CACNA2D2: variants seen among roughly 807,000 people sequenced by gnomAD.
CACNA2D2 encodes the protein calcium voltage-gated channel auxiliary subunit alpha2delta 2.
Under a neutral mutation model 166.4 loss-of-function variants are expected in CACNA2D2, and 48 were observed. The observed-to-expected ratio is 0.29, with a 90% CI of 0.23 to 0.37. CACNA2D2 has a LOEUF of 0.37. CACNA2D2 is among the 10% of genes least tolerant of loss of function. CACNA2D2 has a pLI of 1.00. For synonymous variants in CACNA2D2, 561 were observed against 573.7 expected (o/e 0.98, Z 0.32); for missense variants, 1,122 against 1,433.0 (o/e 0.78, Z 3.50).
intron 3 of CACNA2D2, among the ~76,000 whole-genome samples, chr3:50,395,745 TCTGCTCTC>T: frequency 6.6e-6 from 1 of 152,302 alleles, no homozygotes; most frequent in East Asian, 1.9e-4. Flanking sequence ...AGCTGTGGCC[TCTGCTCTC>T]CTGGGGCAGA....
intron 2 of CACNA2D2, among the ~76,000 whole-genome samples, chr3:50,463,352 C>T (rs933282289): frequency 4.0e-5 from 6 of 151,774 alleles, no homozygotes; most frequent in East Asian, 1.9e-4. Context: ...CTCAGACTGG[C>T]GTGCAGAGGC....
chr3:50,497,670 T>C (rs1432219076), intron 1 of CACNA2D2, among the ~76,000 whole-genome samples: 2 of 152,080 alleles, frequency 1.3e-5, no homozygotes, highest in African/African-American at 4.8e-5. Flanking sequence ...AATGACAGAA[T>C]CTTGACTCCT....
intron 3 of CACNA2D2, among the ~76,000 whole-genome samples, chr3:50,422,094 T>TG (rs1707596738): frequency 1.3e-5 from 2 of 152,128 alleles, no homozygotes; most frequent in African/African-American, 4.8e-5. Flanking sequence ...CACCAGGAGC[T>TG]GTCACGGACC....
intron 5 of CACNA2D2, among the ~76,000 whole-genome samples, chr3:50,385,855 C>T (rs911311736): frequency 1.3e-5 from 2 of 152,206 alleles, no homozygotes; most frequent in Admixed American, 1.3e-4. Context: ...GAAATGTCAG[C>T]GGCAGATGAA....
At chr3:50,401,088 C>A (rs539085636) in intron 3 of CACNA2D2, among the ~76,000 whole-genome samples, 1 of 152,302 alleles carries the variant, frequency 6.6e-6, no homozygotes, top group South Asian at 2.1e-4. Context: ...ACCACAATTC[C>A]AGCAAACAGA....
At position 50,407,386 on chromosome 3, in the gene CACNA2D2, T is replaced by C. The variant is rs1490686463; in HGVS notation, c.406-13218A>G. ...TTAGACTTCCTAGGCCTGCCACTCGTGGGCTCTGACCCCTGCTCTGACCCT... is the reference window on the plus strand; with the variant it reads ...TTAGACTTCCTAGGCCTGCCACTCGCGGGCTCTGACCCCTGCTCTGACCCT... On this transcript the variant is annotated intron_variant, in intron 3 of 37. Transcript: ENST00000424201. Among the ~76,000 whole-genome samples, 2 of 152,170 alleles carry C rather than the reference T, an allele frequency of 1.3e-5. 1 individual carries two copies. The highest frequency in any genetic ancestry group is 3.9e-4 in the East Asian group (2 of 5,162).
At chr3:50,432,611 C>T (rs372184993) in intron 3 of CACNA2D2, among the ~76,000 whole-genome samples, 22 of 152,296 alleles carry the variant, frequency 1.4e-4, no homozygotes, top group African/African-American at 4.8e-4. Context: ...CTGAGAGAGG[C>T]GAGCGTAATG....
At chr3:50,450,620 T>C (rs983327618) in intron 2 of CACNA2D2, among the ~76,000 whole-genome samples, 4 of 151,918 alleles carry the variant, frequency 2.6e-5, no homozygotes, top group Non-Finnish European at 5.9e-5. Context: ...AGCCAAATAT[T>C]GTACTTGCCT....
intron 14 of CACNA2D2, 86 bp from the exon 15 acceptor site, chr3:50,378,183 A>C: frequency 6.4e-7 from 1 of 1,568,066 alleles, no homozygotes; most frequent in Non-Finnish European, 8.7e-7. Context: ...ATTGTGCCCC[A>C]GCCACTGTGA....
intron 3 of CACNA2D2, among the ~76,000 whole-genome samples, chr3:50,399,715 G>A (rs73832877): frequency 0.035 from 5,334 of 152,258 alleles, 339 homozygotes; most frequent in African/African-American, 0.12. Context: ...TAGGAAGAGG[G>A]GGCATCAAAC....
intron 3 of CACNA2D2, among the ~76,000 whole-genome samples, chr3:50,399,754 A>C (rs1418645131): frequency 6.6e-6 from 1 of 152,200 alleles, no homozygotes; most frequent in East Asian, 1.9e-4. Flanking sequence ...AAAGCCCAGC[A>C]GTATTGGACA....
chr3:50,457,955 G>A (rs1709435939), intron 2 of CACNA2D2, among the ~76,000 whole-genome samples: 1 of 152,156 alleles, frequency 6.6e-6, no homozygotes. Context: ...GACTCACTCA[G>A]AACCAGCTAA....
intron 22 of CACNA2D2, among the ~76,000 whole-genome samples, chr3:50,371,864 T>C (rs587664089): frequency 2.6e-5 from 4 of 151,030 alleles, no homozygotes; most frequent in Non-Finnish European, 5.9e-5. Context: ...CTGGGGTCAC[T>C]GGGTGGGATG....
At chr3:50,465,745 T>C (rs2107033026) in intron 2 of CACNA2D2, among the ~76,000 whole-genome samples, 1 of 152,246 alleles carries the variant, frequency 6.6e-6, no homozygotes, top group East Asian at 1.9e-4. Flanking sequence ...CTGCAAGGCA[T>C]GCAGAGGAAA....
rs566043323 is a variant in CACNA2D2 at position 50,439,563 on chromosome 3, A to G, written c.289-5134T>C. ...AGACTGGCGCTCCAATCCCCTCACC[A>G]CATTTCACCACAGGGAGCAGCCAGG... On this transcript the variant is annotated intron_variant, in intron 2 of 37. Transcript: ENST00000424201. 2.0e-5 allele frequency among the ~76,000 whole-genome samples: 3 copies of G among 152,262 alleles called. No individual in the cohort carries two copies. The East Asian group carries it at 5.8e-4, about 29-fold the overall frequency.
At chr3:50,397,304 A>T (rs966719601) in intron 3 of CACNA2D2, among the ~76,000 whole-genome samples, 1 of 152,242 alleles carries the variant, frequency 6.6e-6, no homozygotes, top group Non-Finnish European at 1.5e-5. Flanking sequence ...GTTACAGATC[A>T]ATCAGTCCAT....
At chr3:50,434,510 G>T in intron 2 of CACNA2D2, 81 bp from the exon 3 acceptor site, 2 of 975,446 alleles carry the variant, frequency 2.1e-6, no homozygotes, top group Non-Finnish European at 3.3e-6. Flanking sequence ...CCTCTGCACA[G>T]CTCACCTCAG....
intron 1 of CACNA2D2, among the ~76,000 whole-genome samples, chr3:50,484,670 A>AG (rs1386110369): frequency 2.0e-5 from 3 of 151,792 alleles, no homozygotes; most frequent in Non-Finnish European, 4.4e-5. Context: ...CACCCCCCCC[A>AG]GCAGCAACTG....
chr3:50,383,182 C>T (rs780677710), intron 6 of CACNA2D2, among the ~76,000 whole-genome samples: 19 of 152,218 alleles, frequency 1.2e-4, no homozygotes, highest in Non-Finnish European at 2.8e-4. Context: ...TAGTGCCCCT[C>T]GACTGGCTCG....
Sources: allele counts gnomAD v4.1 joint callset (sites outside exome capture counted in the v4.1 genomes callset), GRCh38; gene constraint gnomAD v4.1.1; transcripts MANE v1.5; gene names NCBI Gene and HGNC (gene_info 2026-07-23, HGNC 2026-07-21).